CWC27: variants seen among roughly 807,000 people sequenced by gnomAD.
CWC27 encodes the protein CWC27 spliceosome associated cyclophilin.
In CWC27, 47 loss-of-function variants were observed where a neutral mutation model predicts 63.6. That is an observed-to-expected ratio of 0.74 (90% confidence interval 0.58 to 0.94). The LOEUF is 0.94. Among genes scored for constraint, CWC27 ranks in the 40% least tolerant of loss-of-function variants. CWC27 has a pLI of 0.00. For synonymous variants in CWC27, 175 were observed against 179.8 expected (o/e 0.97, Z 0.22); for missense variants, 495 against 554.3 (o/e 0.89, Z 1.07).
At chr5:64,989,777 A>C (rs905796095) in intron 13 of CWC27, among the ~76,000 whole-genome samples, 1 of 152,192 alleles carries the variant, frequency 6.6e-6, no homozygotes, top group Non-Finnish European at 1.5e-5. Flanking sequence ...AGGAAGCTAG[A>C]GCACAAGAGG....
intron 11 of CWC27, among the ~76,000 whole-genome samples, chr5:64,945,489 CA>C (rs1280847993): frequency 6.6e-6 from 1 of 152,006 alleles, no homozygotes; most frequent in Non-Finnish European, 1.5e-5. Context: ...CTTTTGTTAA[CA>C]AAAAAGAAGA....
chr5:64,831,984 T>C (rs1382833933), intron 10 of CWC27, among the ~76,000 whole-genome samples: 1 of 151,926 alleles, frequency 6.6e-6, no homozygotes, highest in Non-Finnish European at 1.5e-5. Flanking sequence ...AGGAGGACTA[T>C]TTAATAGCAC....
At chr5:64,902,442 G>T (rs894020561) in intron 11 of CWC27, among the ~76,000 whole-genome samples, 1 of 152,226 alleles carries the variant, frequency 6.6e-6, no homozygotes, top group East Asian at 1.9e-4. Context: ...TTTCCATATT[G>T]ATGGCTGTTT....
chr5:64,920,875 A>C (rs1466534267), intron 11 of CWC27, among the ~76,000 whole-genome samples: 1 of 151,948 alleles, frequency 6.6e-6, no homozygotes, highest in Non-Finnish European at 1.5e-5. Context: ...CTAGGGGTCT[A>C]TCAATTTTGT....
chr5:64,856,306 T>G (rs955425772), intron 10 of CWC27, among the ~76,000 whole-genome samples: 2 of 152,018 alleles, frequency 1.3e-5, no homozygotes, highest in Non-Finnish European at 2.9e-5. Context: ...CAAATGTGAA[T>G]AGTTTCCCTA....
intron 11 of CWC27, among the ~76,000 whole-genome samples, chr5:64,895,763 T>C (rs899166391): frequency 2.0e-5 from 3 of 151,998 alleles, no homozygotes; most frequent in Non-Finnish European, 2.9e-5. Flanking sequence ...AAAGAAGATA[T>C]AGAAATGAAA....
chr5:64,965,121 C>T (rs1162971543), intron 11 of CWC27, among the ~76,000 whole-genome samples: 1 of 152,084 alleles, frequency 6.6e-6, no homozygotes. Context: ...CATAACTTCT[C>T]AACAACTTTA....
intron 11 of CWC27, among the ~76,000 whole-genome samples, chr5:64,953,179 A>G (rs1748743002): frequency 6.6e-6 from 1 of 152,140 alleles, no homozygotes; most frequent in African/African-American, 2.4e-5. Flanking sequence ...TTAAGAAAGA[A>G]TCCAGTAACC....
intron 11 of CWC27, among the ~76,000 whole-genome samples, chr5:64,963,278 T>A (rs1375036672): frequency 1.3e-5 from 2 of 151,824 alleles, no homozygotes; most frequent in African/African-American, 4.8e-5. Context: ...GAGATTTTTT[T>A]AAAGAAATAA....
intron 10 of CWC27, among the ~76,000 whole-genome samples, chr5:64,862,831 G>A (rs918731002): frequency 2.0e-5 from 3 of 152,096 alleles, no homozygotes; most frequent in African/African-American, 7.2e-5. Flanking sequence ...CAAGATCAAG[G>A]CATTAGCAGA....
intron 7 of CWC27, among the ~76,000 whole-genome samples, chr5:64,793,131 G>A (rs2112188431): frequency 6.6e-6 from 1 of 152,168 alleles, no homozygotes; most frequent in East Asian, 1.9e-4. Flanking sequence ...TATCAGCTCA[G>A]CCTTTTTGGG....
In CWC27 at chr5:64,784,123, G is replaced by T. The variant is rs1743799713; in HGVS notation, c.396+144G>T. On this transcript the variant is annotated intron_variant, in intron 4 of 13. Coordinates refer to ENST00000381070, the MANE Select transcript of CWC27 (RefSeq NM_005869.4). ...GGATATGTTTATTATTTTCAAAAAT[G>T]ATGGAATATATTCCTAATATAGTGC... The T allele has an allele frequency of 8.2e-6, 6 of 735,696 alleles. No homozygotes were observed. In the Admixed American group the frequency reaches 2.0e-4, roughly 24 times the overall value. The allele number at this position is 735,696 out of a possible 1,614,324, so 45.6% of individuals were successfully genotyped here.
chr5:64,993,629 C>G (rs934466550), intron 13 of CWC27, among the ~76,000 whole-genome samples: 1 of 150,992 alleles, frequency 6.6e-6, no homozygotes, highest in Non-Finnish European at 1.5e-5. Flanking sequence ...AATATATAGT[C>G]ATGGATTCTG....
At chr5:64,784,824 C>G (rs1743825958) in intron 4 of CWC27, among the ~76,000 whole-genome samples, 1 of 152,186 alleles carries the variant, frequency 6.6e-6, no homozygotes, top group South Asian at 2.1e-4. Context: ...TTGGCACATT[C>G]TTTTGAGCCA....
chr5:64,969,545 A>G (rs1179460719), intron 11 of CWC27, among the ~76,000 whole-genome samples: 1 of 152,152 alleles, frequency 6.6e-6, no homozygotes, highest in Non-Finnish European at 1.5e-5. Context: ...CCCTTCTTCA[A>G]TTACATTATT....
chr5:64,833,276 A>G (rs1044018467), intron 10 of CWC27, among the ~76,000 whole-genome samples: 1 of 151,134 alleles, frequency 6.6e-6, no homozygotes, highest in East Asian at 1.9e-4. Context: ...ACCAGAACAG[A>G]TAAATGACAC....
chr5:64,897,513 C>A (rs953288220), intron 11 of CWC27, among the ~76,000 whole-genome samples: 4 of 152,132 alleles, frequency 2.6e-5, no homozygotes, highest in African/African-American at 7.2e-5. Flanking sequence ...CATGTTCTCA[C>A]TCATAGGTGG....
intron 7 of CWC27, among the ~76,000 whole-genome samples, chr5:64,793,245 A>C (rs2112188740): frequency 6.6e-6 from 1 of 152,184 alleles, no homozygotes; most frequent in East Asian, 1.9e-4. Context: ...ATTACCCACC[A>C]ACAACCCATT....
intron 11 of CWC27, among the ~76,000 whole-genome samples, chr5:64,944,293 C>G (rs887550066): frequency 6.6e-6 from 1 of 152,052 alleles, no homozygotes; most frequent in Non-Finnish European, 1.5e-5. Flanking sequence ...CTTGTCATCT[C>G]CAATTCCCCT....
Sources: gnomAD v4.1 joint callset for allele counts (sites outside exome capture counted in the v4.1 genomes callset) on GRCh38, gnomAD v4.1.1 for gene constraint, MANE v1.5 for transcripts, NCBI Gene and HGNC (gene_info 2026-07-23, HGNC 2026-07-21) for gene names.